The following CCL26 variants were observed in gnomAD, a reference collection of about 807,000 sequenced individuals.
CCL26 encodes the protein C-C motif chemokine ligand 26.
A neutral mutation model predicts 10.7 loss-of-function variants in CCL26; 10 were observed. The observed-to-expected ratio is 0.93, with a 90% CI of 0.57 to 1.58. CCL26 has a LOEUF of 1.58. Among genes scored for constraint, CCL26 ranks in the 40% most tolerant of loss-of-function variants. The pLI, the probability that CCL26 is intolerant of heterozygous loss-of-function variation, is 0.00. For missense variants in CCL26, 116 were observed against 111.0 expected (o/e 1.05, Z -0.20); for synonymous variants, 43 against 41.4 (o/e 1.04, Z -0.15).
In CCL26 at chr7:75,785,100, C is replaced by T. The variant is rs558737065; in HGVS notation, c.-79+4617G>A. Reference sequence around the variant, plus strand: ...ACCAAATTGTTTTGCCTATCCACCCCGTAGTGCCCAACCCATACACTCTTT... The same window carrying T: ...ACCAAATTGTTTTGCCTATCCACCCTGTAGTGCCCAACCCATACACTCTTT... On this transcript the variant is annotated intron_variant, in intron 1 of 3. Coordinates refer to the CCL26 transcript ENST00000394905. Among the ~76,000 whole-genome samples, 749 of 152,254 alleles carry T rather than the reference C, an allele frequency of 4.9e-3. 3 individuals are homozygous for T. The highest frequency in any genetic ancestry group is 0.015 in the African/African-American group (626 of 41,544).
At chr7:75,785,811 C>A (rs1230851004) in intron 1 of CCL26, among the ~76,000 whole-genome samples, 5 of 152,190 alleles carry the variant, frequency 3.3e-5, no homozygotes, top group African/African-American at 1.2e-4. Flanking sequence ...CTCATCCCAA[C>A]CCTTTTCATT....
chr7:75,786,992 C>T (rs963293004), intron 1 of CCL26, among the ~76,000 whole-genome samples: 4 of 152,168 alleles, frequency 2.6e-5, no homozygotes, highest in Non-Finnish European at 5.9e-5. Context: ...GTTCAGGCCC[C>T]ATCCCTTTCC....
At chr7:75,787,258 G>T (rs1331948591) in intron 1 of CCL26, among the ~76,000 whole-genome samples, 1 of 152,080 alleles carries the variant, frequency 6.6e-6, no homozygotes, top group Non-Finnish European at 1.5e-5. Flanking sequence ...CACCCAAGCA[G>T]TTTCTCAGGC....
chr7:75,777,947 T>C (rs1355464106), intron 1 of CCL26, among the ~76,000 whole-genome samples: 1 of 151,694 alleles, frequency 6.6e-6, no homozygotes, highest in African/African-American at 2.4e-5. Context: ...CTCGAACTCC[T>C]GGCCTCAGGT....
chr7:75,779,981 G>A (rs1319539436), intron 1 of CCL26, among the ~76,000 whole-genome samples: 1 of 149,078 alleles, frequency 6.7e-6, no homozygotes, highest in South Asian at 2.1e-4. Context: ...CTTTCCTAGG[G>A]GACAAGCACC....
At chr7:75,790,469 T>C (rs894564351), upstream of CCL26, among the ~76,000 whole-genome samples, 1 of 151,604 alleles carries the variant, frequency 6.6e-6, no homozygotes, top group African/African-American at 2.4e-5. Context: ...CAGGCTGGTC[T>C]TGAATTCCTG....
chr7:75,773,553 T>A (rs1190826130), upstream of CCL26, among the ~76,000 whole-genome samples: 5 of 152,050 alleles, frequency 3.3e-5, no homozygotes, highest in African/African-American at 1.2e-4. Flanking sequence ...CGTCTGGCCA[T>A]ACCTGGTCAA....
upstream of CCL26, among the ~76,000 whole-genome samples, chr7:75,773,202 T>C (rs1802868142): frequency 6.6e-6 from 1 of 151,650 alleles, no homozygotes; most frequent in Non-Finnish European, 1.5e-5. Context: ...CAACAACAAA[T>C]AATATATATA....
chr7:75,783,711 C>T (rs758174093), intron 1 of CCL26, among the ~76,000 whole-genome samples: 34 of 150,798 alleles, frequency 2.3e-4, no homozygotes, highest in African/African-American at 6.1e-4. Context: ...GGCGTGAACC[C>T]GGTAGGTGGA....
Position 75,769,780 on chromosome 7 carries a change from G to A in CCL26, c.198C>T (p.Thr66=). ...SCSQRAVIFT[T]KRGKKVCTHP... is the part of the protein sequence containing the mutation. ...GGGTACAGACTTTCTTGCCTCTTTT[G>A]GTAGTGAATCTGTGAAAAAGAGACA... The change falls in exon 3 of 3, where the codon ACC becomes ACT. Residue 66 remains threonine, a synonymous_variant. Transcript: ENST00000005180. 6.2e-7 allele frequency: 1 copy of A among 1,601,920 alleles called. No individual in the cohort carries two copies. Among genetic ancestry groups the A allele is most frequent in the South Asian group, 1.1e-5 (1 of 90,806 alleles).
chr7:75,789,459 C>CTTTTTTTTTTTTTTTTT (rs782166200), intron 1 of CCL26, among the ~76,000 whole-genome samples: 2 of 104,274 alleles, frequency 1.9e-5, no homozygotes, highest in Admixed American at 1.2e-4. Context: ...TTCTCTTTTT[C>CTTTTTTTTTTTTTTTTT]TCTTTTTTTT....
intron 1 of CCL26, among the ~76,000 whole-genome samples, chr7:75,778,174 G>T (rs1373225894): frequency 1.3e-5 from 2 of 152,024 alleles, no homozygotes; most frequent in Non-Finnish European, 2.9e-5. Flanking sequence ...CAGAGTCGAG[G>T]GTTCCCTTGT....
intron 1 of CCL26, among the ~76,000 whole-genome samples, chr7:75,784,134 C>T (rs1395562691): frequency 6.6e-6 from 1 of 152,202 alleles, no homozygotes; most frequent in African/African-American, 2.4e-5. Flanking sequence ...CACACAAGAG[C>T]TTCCAAACGC....
upstream of CCL26, among the ~76,000 whole-genome samples, chr7:75,775,242 T>C (rs781906729): frequency 6.6e-6 from 1 of 152,092 alleles, no homozygotes; most frequent in African/African-American, 2.4e-5. Context: ...ACAAATTCTT[T>C]TTTGACTGAA....
At chr7:75,788,390 C>A (rs111444762) in intron 1 of CCL26, among the ~76,000 whole-genome samples, 62 of 152,228 alleles carry the variant, frequency 4.1e-4, no homozygotes, top group African/African-American at 1.5e-3. Context: ...CAGAGAACAA[C>A]CCCTTTTGAC....
chr7:75,769,707 G>A lies in CCL26; in HGVS notation c.271C>T (p.Pro91Ser). The change falls in exon 3 of 3, where the codon CCG becomes TCG. Residue 91 changes from proline to serine, a missense_variant. Coordinates refer to ENST00000005180, the MANE Select transcript of CCL26 (RefSeq NM_001371938.1). The stretch of plus-strand genomic sequence containing the variant: ...ATTCAGCTGAGTCACAATTGTTTCG[G>A]AGTTTTCAGTAAAGAAATGTATTTT... ...VQKYISLLKT[P>S]KQL 6.2e-7 allele frequency: 1 copy of A among 1,609,570 alleles called. No homozygotes were observed. The highest frequency in any genetic ancestry group is 8.5e-7 in the Non-Finnish European group (1 of 1,175,832).
intron 2 of CCL26, 44 bp downstream of exon 2, chr7:75,771,845 C>T (rs1554528106): frequency 7.8e-7 from 1 of 1,279,486 alleles, no homozygotes; most frequent in South Asian, 1.2e-5. Context: ...CATCCTGTTG[C>T]ATGACTGATG....
chr7:75,776,045 C>G (rs1802931457), upstream of CCL26, among the ~76,000 whole-genome samples: 1 of 143,158 alleles, frequency 7.0e-6, no homozygotes, highest in Non-Finnish European at 1.5e-5. Flanking sequence ...TGCAAAGGCC[C>G]TATTTTCAAA....
At chr7:75,773,036 A>G (rs1489341700), upstream of CCL26, among the ~76,000 whole-genome samples, 1 of 152,086 alleles carries the variant, frequency 6.6e-6, no homozygotes, top group African/African-American at 2.4e-5. Context: ...GACAATGGAT[A>G]TTTAAAAACA....
Sources: gnomAD v4.1 joint callset for allele counts (sites outside exome capture counted in the v4.1 genomes callset) on GRCh38, gnomAD v4.1.1 for gene constraint, MANE v1.5 for transcripts, NCBI Gene and HGNC (gene_info 2026-07-23, HGNC 2026-07-21) for gene names.